The following EML5 variants were observed in gnomAD, a reference collection of about 807,000 sequenced individuals.
The protein encoded by EML5 is EMAP like 5, also known as echinoderm microtubule-associated protein-like 5.
Under a neutral mutation model 250.0 loss-of-function variants are expected in EML5, and 120 were observed. That is an observed-to-expected ratio of 0.48 (90% CI 0.41 to 0.56). The LOEUF (loss-of-function observed/expected upper bound fraction) is 0.56, where lower values mean the gene tolerates loss of function less well. Among genes scored for constraint, EML5 ranks in the 20% least tolerant of loss-of-function variants. The pLI is 0.00. For synonymous variants in EML5, 771 were observed against 806.5 expected (o/e 0.96, Z 0.75); for missense variants, 2,006 against 2,437.6 (o/e 0.82, Z 3.73).
intron 1 of EML5, among the ~76,000 whole-genome samples, chr14:88,768,093 G>A (rs573566077): frequency 6.6e-6 from 1 of 152,182 alleles, no homozygotes; most frequent in South Asian, 2.1e-4. Context: ...ATTTGTCATG[G>A]TTTCTCATGA....
chr14:88,789,894 C>T (rs964239583), intron 1 of EML5, among the ~76,000 whole-genome samples: 4 of 152,192 alleles, frequency 2.6e-5, no homozygotes, highest in Non-Finnish European at 4.4e-5. Context: ...ACATAAGTTT[C>T]AGGCAAAGGT....
chr14:88,644,277 T>C (rs1355502503), intron 30 of EML5, among the ~76,000 whole-genome samples, 156 bp downstream of exon 30: 2 of 152,012 alleles, frequency 1.3e-5, no homozygotes, highest in African/African-American at 4.8e-5. Context: ...ACAGAGAATA[T>C]CCATCCAAAA....
chr14:88,763,561 G>A (rs1032250347), intron 1 of EML5, among the ~76,000 whole-genome samples: 4 of 151,976 alleles, frequency 2.6e-5, no homozygotes, highest in South Asian at 2.1e-4. Context: ...ATTCACAGCC[G>A]AATTCTATCA....
chr14:88,737,867 C>T (rs1040011761), intron 6 of EML5, among the ~76,000 whole-genome samples: 1 of 152,128 alleles, frequency 6.6e-6, no homozygotes, highest in African/African-American at 2.4e-5. Context: ...TAGTAAATTA[C>T]CTTTATAGAA....
In EML5 at chr14:88,732,518, C is replaced by CTTT. The variant is rs578114621; in HGVS notation, c.1049+3843_1049+3845dup. 1.3e-3 allele frequency among the ~76,000 whole-genome samples: 199 copies of CTTT among 152,242 alleles called. 1 individual carries two copies. The highest frequency in any genetic ancestry group is 4.6e-3 in the African/African-American group (193 of 41,550). Reference sequence around the variant, plus strand: ...GTAGCGTGATGCCTTCAGTGTTGTTCTTTTGGCTTAGGATTGTCTTGGCAA... The same window carrying CTTT: ...GTAGCGTGATGCCTTCAGTGTTGTTCTTTTTTTGGCTTAGGATTGTCTTGGCAA... On this transcript the variant is annotated intron_variant, in intron 7 of 43. Coordinates refer to ENST00000554922, the MANE Select transcript of EML5 (RefSeq NM_183387.3).
intron 1 of EML5, among the ~76,000 whole-genome samples, chr14:88,785,728 C>G (rs1229820804): frequency 6.7e-6 from 1 of 150,290 alleles, no homozygotes; most frequent in Non-Finnish European, 1.5e-5. Context: ...TCACTACTTT[C>G]ACTGTTACCA....
chr14:88,785,160 A>G (rs950112708), intron 1 of EML5, among the ~76,000 whole-genome samples: 25 of 152,310 alleles, frequency 1.6e-4, no homozygotes, highest in African/African-American at 5.3e-4. Flanking sequence ...ATGGACATAG[A>G]GTAGAAGGAT....
At chr14:88,787,439 T>C (rs916027663) in intron 1 of EML5, among the ~76,000 whole-genome samples, 1 of 152,212 alleles carries the variant, frequency 6.6e-6, no homozygotes, top group African/African-American at 2.4e-5. Flanking sequence ...CCTTAATGTA[T>C]ATCCAAAACA....
At chr14:88,710,179 G>C (rs1167042939) in intron 10 of EML5, among the ~76,000 whole-genome samples, 1 of 152,026 alleles carries the variant, frequency 6.6e-6, no homozygotes, top group African/African-American at 2.4e-5. Context: ...TGAAACTAGA[G>C]AAAAAGAGGA....
chr14:88,632,771 G>A (rs992345885), intron 33 of EML5, among the ~76,000 whole-genome samples: 3 of 152,144 alleles, frequency 2.0e-5, no homozygotes, highest in Non-Finnish European at 4.4e-5. Context: ...TCTTCAGGGC[G>A]TTTGGTATTT....
chr14:88,640,371 C>G (rs901363670), intron 31 of EML5, among the ~76,000 whole-genome samples: 3 of 152,074 alleles, frequency 2.0e-5, no homozygotes, highest in African/African-American at 7.2e-5. Flanking sequence ...ACCCACAGTG[C>G]AAAATAGAAA....
chr14:88,715,586 G>T (rs995563329), intron 8 of EML5, among the ~76,000 whole-genome samples: 4 of 151,428 alleles, frequency 2.6e-5, no homozygotes, highest in Non-Finnish European at 5.9e-5. Context: ...ATTTTTTTTT[G>T]TAAGGAGCTA....
intron 13 of EML5, among the ~76,000 whole-genome samples, chr14:88,703,391 T>C (rs1268948415): frequency 6.6e-6 from 1 of 152,162 alleles, no homozygotes; most frequent in African/African-American, 2.4e-5. Flanking sequence ...ATACACATTG[T>C]TGGACCATGA....
intron 14 of EML5, among the ~76,000 whole-genome samples, chr14:88,698,540 C>T (rs564102145): frequency 1.3e-5 from 2 of 152,154 alleles, no homozygotes; most frequent in Non-Finnish European, 2.9e-5. Flanking sequence ...GCTAGGATTA[C>T]AGGCATGAGC....
Position 88,618,748 on chromosome 14 carries a change from G to C in EML5, c.5440C>G (p.Leu1814Val), listed in dbSNP as rs1455092173. The C allele has an allele frequency of 1.2e-6, 2 of 1,605,070 alleles. No individual in the cohort carries two copies. The highest frequency in any genetic ancestry group is 2.2e-5 in the South Asian group (2 of 89,406). Residue 1814 changes from leucine to valine, a missense_variant, in exon 40 of 44, where the codon CTA becomes GTA. Leu to Val is a conservative substitution (Grantham distance 32). Around this residue, in one of 7 missense-constraint regions of EML5, gnomAD observed 405 missense variants for 523.3 expected, o/e 0.77. Transcript: ENST00000554922. ...SSENSVDFYD[L>V]TLGPTLNRIS... ...CTGTTAAGAGTGGGGCCCAGCGTTA[G>C]GTCATAAAAATCCACTGAGTTCTCA...
intron 1 of EML5, among the ~76,000 whole-genome samples, chr14:88,789,230 G>C (rs1452355457): frequency 1.3e-5 from 2 of 151,956 alleles, no homozygotes; most frequent in African/African-American, 2.4e-5. Flanking sequence ...AGATTTTATA[G>C]ATTTATAGAT....
In EML5 at chr14:88,673,190, G is replaced by A. The variant is rs572027772; in HGVS notation, c.3125-7701C>T. 1.2e-3 allele frequency among the ~76,000 whole-genome samples: 188 copies of A among 152,238 alleles called. 1 individual carries two copies. Among genetic ancestry groups the A allele is most frequent in the African/African-American group, 4.4e-3 (182 of 41,544 alleles). Reference sequence around the variant, plus strand: ...CAGCACATCAAAGATTATCCACCACGATCAAGCTGTCTTCATCCCCAGGAT... The same window carrying A: ...CAGCACATCAAAGATTATCCACCACAATCAAGCTGTCTTCATCCCCAGGAT... On this transcript the variant is annotated intron_variant, in intron 21 of 43. Coordinates refer to ENST00000554922, the MANE Select transcript of EML5 (RefSeq NM_183387.3).
Position 88,702,648 on chromosome 14 carries a change from A to G in EML5, c.2052-16T>C. On this transcript the variant is annotated splice_polypyrimidine_tract_variant and intron_variant, in intron 13 of 43. Transcript: ENST00000554922. ...ACCTCTGTAACTAATATAGAAAACA[A>G]ATCATATATAATTAATTTTGGCCTT... is the stretch of plus-strand genomic sequence containing the variant. The G allele has an allele frequency of 6.7e-7, 1 of 1,498,326 alleles. No homozygotes were observed. The highest frequency in any genetic ancestry group is 8.9e-7 in the Non-Finnish European group (1 of 1,119,236). 92.8% of individuals were successfully genotyped at this position (1,498,326 alleles called of 1,614,324 possible).
chr14:88,746,907 A>G (rs1311246810), intron 2 of EML5, among the ~76,000 whole-genome samples: 11 of 152,214 alleles, frequency 7.2e-5, no homozygotes. Flanking sequence ...AGCATCCTTC[A>G]CATGGTTGCT....
Sources: allele counts gnomAD v4.1 joint callset (sites outside exome capture counted in the v4.1 genomes callset), GRCh38; gene constraint gnomAD v4.1.1; regional missense constraint gnomAD v4.1.1; transcripts MANE v1.5; gene names NCBI Gene and HGNC (gene_info 2026-07-23, HGNC 2026-07-21).